The following RABGEF1 variants were observed in gnomAD, a reference collection of about 807,000 sequenced individuals.
The protein encoded by RABGEF1 is rab5 GDP/GTP exchange factor.
A neutral mutation model predicts 57.3 loss-of-function variants in RABGEF1; 26 were observed. The ratio of observed to expected loss-of-function variants is 0.45; its 90% CI spans 0.33 to 0.63. The LOEUF is 0.63. RABGEF1 is among the 20% of genes least tolerant of loss of function. The probability of loss-of-function intolerance (pLI) is 0.02; values close to 1 mark genes in which losing one functional copy is unlikely to be tolerated. For synonymous variants in RABGEF1, 185 were observed against 210.7 expected, an observed-to-expected ratio of 0.88 and a Z score of 1.06; for missense variants, 464 against 607.6, an observed-to-expected ratio of 0.76 and a Z score of 2.48.
At chr7:66,802,958 AT>A (rs1227590433) in intron 7 of RABGEF1, among the ~76,000 whole-genome samples, 1 of 152,250 alleles carries the variant, frequency 6.6e-6, no homozygotes, top group Non-Finnish European at 1.5e-5. Flanking sequence ...AGAAAAAAAA[AT>A]CACCAATAAA....
At chr7:66,772,216 T>C in intron 2 of RABGEF1, 138 bp downstream of exon 2, 1 of 596,880 alleles carries the variant, frequency 1.7e-6, no homozygotes, top group East Asian at 3.5e-5. Context: ...GATGTTTTCC[T>C]CTCTTCTTCT....
At chr7:66,794,201 T>A (rs1272019187) in intron 4 of RABGEF1, among the ~76,000 whole-genome samples, 2 of 140,426 alleles carry the variant, frequency 1.4e-5, no homozygotes, top group Non-Finnish European at 3.1e-5. Context: ...TCTCTCTCCA[T>A]GTTTAATTTT....
the RABGEF1 span, among the ~76,000 whole-genome samples, chr7:66,659,887 A>T: frequency 6.6e-6 from 1 of 152,076 alleles, no homozygotes; most frequent in African/African-American, 2.4e-5. Context: ...CCAAGCTAGC[A>T]GAATAGGGGA....
At chr7:66,698,056 C>T (rs1213929214) in intron 1 of RABGEF1, among the ~76,000 whole-genome samples, 4 of 152,048 alleles carry the variant, frequency 2.6e-5, no homozygotes, top group Non-Finnish European at 4.4e-5. Context: ...GCCACTCCCT[C>T]CCGCTGCCCA....
At chr7:66,738,997 C>G (rs1382467373), upstream of RABGEF1, among the ~76,000 whole-genome samples, 1 of 152,090 alleles carries the variant, frequency 6.6e-6, no homozygotes, top group Non-Finnish European at 1.5e-5. Flanking sequence ...GTTGCCCAAG[C>G]TGGAGTGCAA....
chr7:66,706,052 G>A (rs1322178221), intron 1 of RABGEF1, among the ~76,000 whole-genome samples: 2 of 150,614 alleles, frequency 1.3e-5, no homozygotes, highest in Non-Finnish European at 3.0e-5. Flanking sequence ...ACAGGCGCCC[G>A]CCACCGCGCC....
At chr7:66,654,855 C>T in the RABGEF1 span, among the ~76,000 whole-genome samples, 2 of 152,226 alleles carry the variant, frequency 1.3e-5, no homozygotes, top group South Asian at 2.1e-4. Flanking sequence ...TCACAGTGCG[C>T]GGCTTCTCCG....
intron 1 of RABGEF1, among the ~76,000 whole-genome samples, chr7:66,758,057 C>T (rs1803229064): frequency 6.6e-6 from 1 of 152,078 alleles, no homozygotes; most frequent in East Asian, 1.9e-4. Flanking sequence ...GATACCTTAT[C>T]GTTTTACTAG....
chr7:66,749,594 T>A (rs767487446), intron 1 of RABGEF1, among the ~76,000 whole-genome samples: 1 of 151,884 alleles, frequency 6.6e-6, no homozygotes. Context: ...GGTCAGGTAT[T>A]AGAGGCTGCA....
intron 1 of RABGEF1, among the ~76,000 whole-genome samples, chr7:66,688,551 C>G (rs973067040): frequency 6.6e-6 from 1 of 152,104 alleles, no homozygotes; most frequent in African/African-American, 2.4e-5. Flanking sequence ...TTGAAAGTAT[C>G]CAAAGTGCTA....
chr7:66,763,638 GC>G (rs1242899446), intron 1 of RABGEF1, among the ~76,000 whole-genome samples: 1 of 152,106 alleles, frequency 6.6e-6, no homozygotes, highest in Admixed American at 6.6e-5. Flanking sequence ...AGGAACCCAT[GC>G]CCTTTCTCTT....
intron 7 of RABGEF1, among the ~76,000 whole-genome samples, chr7:66,800,245 A>G (rs1350593135): frequency 6.6e-6 from 1 of 152,030 alleles, no homozygotes; most frequent in Non-Finnish European, 1.5e-5. Flanking sequence ...GAAGAAATGG[A>G]GGTTTGCTTA....
intron 1 of RABGEF1, among the ~76,000 whole-genome samples, chr7:66,769,599 T>C (rs1399031275): frequency 6.6e-6 from 1 of 152,192 alleles, no homozygotes; most frequent in Non-Finnish European, 1.5e-5. Flanking sequence ...CGTAGATGCA[T>C]TGCAGAAAGT....
At chr7:66,797,541 A>G (rs759395517) in intron 6 of RABGEF1, 35 bp downstream of exon 6, 9 of 1,594,228 alleles carry the variant, frequency 5.6e-6, no homozygotes, top group African/African-American at 1.4e-5. Flanking sequence ...TGTAGTTACT[A>G]CCTTCTAATG....
rs1157941106 is a variant in RABGEF1, at chr7:66,797,313, AAAAAAAAAG to A, written c.596-59_596-51del. On this transcript the variant is annotated intron_variant, in intron 5 of 8. Transcript: ENST00000284957. ...AGCCAGACTCTTTGTTTGCAAAAAA[AAAAAAAAAG>A]AGAGAGAAAAAATATATATATCTTG... 276 of 1,440,078 alleles carry A rather than the reference AAAAAAAAAG, an allele frequency of 1.9e-4. 5 individuals are homozygous for A. Among genetic ancestry groups the A allele is most frequent in the Non-Finnish European group, 2.4e-4 (264 of 1,086,488 alleles). 89.2% of individuals were successfully genotyped at this position (1,440,078 alleles called of 1,614,324 possible). A position where few individuals can be genotyped will look rare whatever the true frequency, so the allele number is the denominator to read the frequency against.
upstream of RABGEF1, among the ~76,000 whole-genome samples, chr7:66,737,073 T>C (rs151240046): frequency 8.5e-6 from 1 of 117,094 alleles, no homozygotes; most frequent in African/African-American, 3.5e-5. Context: ...AGAGAGAGAG[T>C]GAGAGAGAGA....
chr7:66,662,093 G>A, the RABGEF1 span, among the ~76,000 whole-genome samples: 3 of 152,170 alleles, frequency 2.0e-5, no homozygotes, highest in Non-Finnish European at 4.4e-5. Flanking sequence ...AAAAAAATTA[G>A]CCGGGCACGG....
intron 1 of RABGEF1, among the ~76,000 whole-genome samples, chr7:66,684,302 G>C (rs928372023): frequency 6.6e-6 from 1 of 152,100 alleles, no homozygotes; most frequent in Non-Finnish European, 1.5e-5. Context: ...AAATTAGATG[G>C]GCATGATGGC....
chr7:66,705,996 G>A (rs944058037), intron 1 of RABGEF1, among the ~76,000 whole-genome samples: 9 of 147,462 alleles, frequency 6.1e-5, no homozygotes, highest in African/African-American at 2.0e-4. Flanking sequence ...TCCGCTTCCC[G>A]GGTTCACGCC....
Sources: allele counts gnomAD v4.1 joint callset (sites outside exome capture counted in the v4.1 genomes callset), GRCh38; gene constraint gnomAD v4.1.1; transcripts MANE v1.5; gene names NCBI Gene and HGNC (gene_info 2026-07-23, HGNC 2026-07-21).